SEC13: variants seen among roughly 807,000 people sequenced by gnomAD.
SEC13 encodes the protein protein SEC13 homolog.
In SEC13, 25 loss-of-function variants were observed where a neutral mutation model predicts 49.2. The ratio of observed to expected loss-of-function variants is 0.51; its 90% CI spans 0.37 to 0.71. The LOEUF (loss-of-function observed/expected upper bound fraction) is 0.71. Among genes scored for constraint, SEC13 ranks in the 30% least tolerant of loss-of-function variants. SEC13 has a pLI of 0.00. For missense variants in SEC13, 383 were observed against 417.6 expected, an observed-to-expected ratio of 0.92 and a Z score of 0.72; for synonymous variants, 148 against 163.9, an observed-to-expected ratio of 0.90 and a Z score of 0.74.
intron 1 of SEC13, chr3:10,320,782 C>T (rs2059762785): frequency 7.6e-7 from 1 of 1,322,562 alleles, no homozygotes; most frequent in African/African-American, 1.5e-5. Flanking sequence ...GTTTTGTTTT[C>T]AATTGTTGAC....
intron 3 of SEC13, 159 bp from the exon 4 acceptor site, chr3:10,312,889 G>A (rs1184206010): frequency 3.1e-6 from 2 of 655,574 alleles, no homozygotes; most frequent in African/African-American, 3.6e-5. Context: ...GGTGCTCAGT[G>A]GACAGTGAGG....
At chr3:10,315,181 G>A in intron 3 of SEC13, 140 bp downstream of exon 3, 1 of 636,872 alleles carries the variant, frequency 1.6e-6, no homozygotes, top group African/African-American at 1.8e-5. Context: ...CAGGCTGGCT[G>A]GGATCCCAGC....
chr3:10,304,104 G>A lies in SEC13; in HGVS notation c.777C>T (p.His259=), dbSNP rs1559490931. ...CATGCCACACCACATCGTTGAACTT[G>A]TGCAACAATTTAGGGGACCACGTAT... ...SSNTWSPKLL[H]KFNDVVWHVS... The change falls in exon 8 of 9, where the codon CAC becomes CAT. Residue 259 remains histidine, a synonymous_variant. Transcript: ENST00000350697. 4.3e-6 allele frequency: 7 copies of A among 1,614,194 alleles called. No individual in the cohort carries two copies. Among genetic ancestry groups the A allele is most frequent in the Non-Finnish European group, 5.9e-6 (7 of 1,180,030 alleles).
intron 3 of SEC13, chr3:10,313,420 A>G (rs756653381): frequency 1.3e-5 from 7 of 530,936 alleles, no homozygotes; most frequent in South Asian, 9.8e-5. Context: ...TTAGGCAAGG[A>G]TATCTTTGTC....
rs533604238 is a variant in SEC13 at position 10,311,892 on chromosome 3, C to G, written c.450+73G>C. 8.1e-6 allele frequency: 13 copies of G among 1,613,428 alleles called. No individual in the cohort carries two copies. The East Asian group carries it at 2.7e-4, about 33-fold the overall frequency. On this transcript the variant is annotated intron_variant, in intron 5 of 8. Transcript: ENST00000350697. ...CCAGCGGGGACCCTCCCGTGCCACC[C>G]TCTAGGGAGGCTGCAGCAGACACGG...
intron 4 of SEC13, among the ~76,000 whole-genome samples, 190 bp downstream of exon 4, chr3:10,312,389 T>G (rs998218450): frequency 6.6e-6 from 1 of 152,216 alleles, no homozygotes; most frequent in African/African-American, 2.4e-5. Context: ...TGTCTTTTCT[T>G]ATTTGCTTTG....
At chr3:10,302,371 T>C (rs900759728) in intron 8 of SEC13, among the ~76,000 whole-genome samples, 2 of 152,180 alleles carry the variant, frequency 1.3e-5, no homozygotes, top group African/African-American at 4.8e-5. Context: ...CACTGCAGAA[T>C]GCTCTGGGAT....
chr3:10,317,423 T>C (rs536820319), intron 2 of SEC13, among the ~76,000 whole-genome samples: 1 of 152,340 alleles, frequency 6.6e-6, no homozygotes, highest in South Asian at 2.1e-4. Context: ...TGCTTGGCCC[T>C]GAATGAAGCA....
intron 5 of SEC13, among the ~76,000 whole-genome samples, chr3:10,306,449 G>A (rs1700883776): frequency 6.6e-6 from 1 of 152,196 alleles, no homozygotes. Flanking sequence ...TATATTAACA[G>A]CTGTCAATAA....
intron 8 of SEC13, among the ~76,000 whole-genome samples, chr3:10,303,087 A>G (rs1024045315): frequency 6.6e-6 from 1 of 152,214 alleles, no homozygotes. Flanking sequence ...TTTGCAGCTG[A>G]AAAGAGTTCT....
chr3:10,317,018 A>AAAAAG (rs1559501256), intron 2 of SEC13, among the ~76,000 whole-genome samples: 2 of 151,430 alleles, frequency 1.3e-5, no homozygotes, highest in Admixed American at 6.6e-5. Context: ...AAAAAAAAAA[A>AAAAAG]AAAAGAAAAG....
chr3:10,312,366 A>C (rs1039768804), intron 4 of SEC13, among the ~76,000 whole-genome samples: 5 of 152,236 alleles, frequency 3.3e-5, no homozygotes, highest in Non-Finnish European at 7.3e-5. Flanking sequence ...ATAATCCTGA[A>C]GAGAAACTCA....
At chr3:10,305,829 G>C (rs59728658) in intron 5 of SEC13, 137 bp from the exon 6 acceptor site, 1 of 833,848 alleles carries the variant, frequency 1.2e-6, no homozygotes, top group South Asian at 1.8e-5. Flanking sequence ...CTCATCATGG[G>C]GTCCACTGCT....
Position 10,305,108 on chromosome 3 carries a change from G to T in SEC13, c.633C>A (p.His211Gln), listed in dbSNP as rs765306255. The T allele has an allele frequency of 5.6e-6, 9 of 1,613,994 alleles. No individual in the cohort carries two copies. The Admixed American group carries it at 1.3e-4, about 24-fold the overall frequency. ...AGGCCACATCTCGAACCCAGTCACTGTGCGCTTCTAGCTTCTGCTCCTCCT... is the reference window on the plus strand; with the variant it reads ...AGGCCACATCTCGAACCCAGTCACTTTGCGCTTCTAGCTTCTGCTCCTCCT... ...QWKEEQKLEA[H>Q]SDWVRDVAWA... Residue 211 changes from histidine (H) to glutamine (Q), a missense_variant, in exon 7 of 9, where the codon CAC becomes CAA. His to Gln is a conservative substitution (Grantham distance 24, BLOSUM62 0). Transcript: ENST00000350697.
chr3:10,305,783 C>G, intron 5 of SEC13, 91 bp from the exon 6 acceptor site: 1 of 1,442,782 alleles, frequency 6.9e-7, no homozygotes, highest in Non-Finnish European at 9.6e-7. Context: ...CTCCGCTTCT[C>G]AGGACTGGAG....
intron 2 of SEC13, 133 bp from the exon 3 acceptor site, chr3:10,315,569 C>T: frequency 1.6e-6 from 1 of 628,002 alleles, no homozygotes; most frequent in Non-Finnish European, 2.9e-6. Flanking sequence ...GTATCATCAC[C>T]CTCAGGCAGG....
chr3:10,308,108 T>C (rs531731243), intron 5 of SEC13, among the ~76,000 whole-genome samples: 100 of 152,346 alleles, frequency 6.6e-4, no homozygotes, highest in Non-Finnish European at 1.2e-3. Flanking sequence ...ATAAACTGCA[T>C]ATCAAGTGCA....
At chr3:10,306,570 T>C (rs923601451) in intron 5 of SEC13, among the ~76,000 whole-genome samples, 5 of 152,336 alleles carry the variant, frequency 3.3e-5, no homozygotes, top group Admixed American at 2.6e-4. Flanking sequence ...TTCTTCTCAT[T>C]AACTATTCAG....
intron 5 of SEC13, among the ~76,000 whole-genome samples, chr3:10,307,697 C>T (rs1288489991): frequency 2.0e-5 from 3 of 152,178 alleles, no homozygotes; most frequent in African/African-American, 4.8e-5. Context: ...ACTGGTTACC[C>T]CCTACAACAC....
Sources: allele counts gnomAD v4.1 joint callset (sites outside exome capture counted in the v4.1 genomes callset), GRCh38; gene constraint gnomAD v4.1.1; transcripts MANE v1.5; gene names NCBI Gene and HGNC (gene_info 2026-07-23, HGNC 2026-07-21).